The following LMX1B variants were observed in gnomAD, a reference collection of about 807,000 sequenced individuals.
The protein encoded by LMX1B is LIM homeobox transcription factor 1 beta.
In LMX1B, 12 loss-of-function variants were observed where a neutral mutation model predicts 51.4. The observed-to-expected ratio is 0.23, with a 90% CI of 0.15 to 0.38. The LOEUF (loss-of-function observed/expected upper bound fraction) is 0.38, where lower values mean the gene tolerates loss of function less well. LMX1B is among the 10% of genes least tolerant of loss of function. The pLI, the probability that LMX1B is intolerant of heterozygous loss-of-function variation, is 1.00. For synonymous variants in LMX1B, 237 were observed against 235.4 expected, an observed-to-expected ratio of 1.01 and a Z score of -0.06; for missense variants, 445 against 571.1, an observed-to-expected ratio of 0.78 and a Z score of 2.25.
chr9:126,676,922 C>A (rs1394980153), intron 2 of LMX1B, among the ~76,000 whole-genome samples: 1 of 152,216 alleles, frequency 6.6e-6, no homozygotes, highest in Non-Finnish European at 1.5e-5. Flanking sequence ...TCAATAATCG[C>A]TCTTCTCTGT....
At position 126,695,476 on chromosome 9, in the gene LMX1B, C is replaced by T. The variant is rs1314977993; in HGVS notation, c.887-363C>T. On this transcript the variant is annotated intron_variant, in intron 6 of 7. Transcript: ENST00000373474. The surrounding 1 kb of genome is among the most constrained non-coding windows in gnomAD (Gnocchi z 5.2). The stretch of plus-strand genomic sequence containing the variant: ...CTTTAAGTCACATCAGGGCGGGGGC[C>T]CTTTCCTCCAGGAAGTCTTCCCGGG... Among the ~76,000 whole-genome samples the T allele has an allele frequency of 1.3e-5, 2 of 152,316 alleles. No homozygotes were observed. Among genetic ancestry groups the T allele is most frequent in the Non-Finnish European group, 2.9e-5 (2 of 68,030 alleles).
intron 2 of LMX1B, among the ~76,000 whole-genome samples, chr9:126,637,950 C>A (rs1202419779): frequency 6.6e-6 from 1 of 151,988 alleles, no homozygotes. Flanking sequence ...GGGCCCCCTC[C>A]GACCATGGGC....
chr9:126,619,286 C>T (rs992687554), intron 2 of LMX1B, among the ~76,000 whole-genome samples: 12 of 152,196 alleles, frequency 7.9e-5, no homozygotes, highest in East Asian at 3.9e-4. Flanking sequence ...ACCTCTCCCC[C>T]CACACTCCCC....
chr9:126,691,401 T>C (rs1272884127), intron 3 of LMX1B, among the ~76,000 whole-genome samples: 1 of 152,158 alleles, frequency 6.6e-6, no homozygotes, highest in East Asian at 1.9e-4. Context: ...TGTGGAGATA[T>C]GTGTTCACAT....
At chr9:126,652,299 G>T (rs534550900) in intron 2 of LMX1B, among the ~76,000 whole-genome samples, 19 of 150,612 alleles carry the variant, frequency 1.3e-4, no homozygotes, top group South Asian at 2.2e-4. Flanking sequence ...GAGGAGAAGG[G>T]GGGGGGGATT....
Position 126,691,009 on chromosome 9 carries a change from G to T in LMX1B, c.500G>T (p.Gly167Val), listed in dbSNP as rs1260421027. The change falls in exon 3 of 8, where the codon GGT becomes GTT. Residue 167 changes from glycine (G) to valine (V), a missense_variant. Physicochemically the swap from Gly to Val is moderately radical, Grantham distance 109. Around this residue, in one of 3 missense-constraint regions of LMX1B, gnomAD observed 273 missense variants for 343.3 expected, o/e 0.80. Transcript: ENST00000373474. ...VLKEGQLLCK[G>V]DYEKEKDLLS... ...AAGGAGGGCCAGCTGCTGTGCAAGGGTGACTACGAGAAGGAGAAGGACCTG... is the reference window on the plus strand; with the variant it reads ...AAGGAGGGCCAGCTGCTGTGCAAGGTTGACTACGAGAAGGAGAAGGACCTG... 4.3e-6 allele frequency: 7 copies of T among 1,613,950 alleles called. No homozygotes were observed. The highest frequency in any genetic ancestry group is 1.3e-5 in the African/African-American group (1 of 74,936).
chr9:126,641,913 CTG>C lies in LMX1B; in HGVS notation c.326+26347_326+26348del, dbSNP rs1835815954. On this transcript the variant is annotated intron_variant, in intron 2 of 7. Coordinates refer to ENST00000373474, the MANE Select transcript of LMX1B (RefSeq NM_001174147.2). The surrounding 1 kb of genome is among the most constrained non-coding windows in gnomAD (Gnocchi z 4.1). ...ACTTCACCCACGTTCTCTCAGAACT[CTG>C]TGAGATAGGGACCAGCTTATCCCCA... is the stretch of plus-strand genomic sequence containing the variant. 6.6e-6 allele frequency among the ~76,000 whole-genome samples: 1 copy of C among 152,198 alleles called. No individual in the cohort carries two copies. The highest frequency in any genetic ancestry group is 2.4e-5 in the African/African-American group (1 of 41,442).
In LMX1B at chr9:126,674,614, A is replaced by C. The variant is rs183936105; in HGVS notation, c.327-16222A>C. ...GCCTGGCATCTCCACGTGGTCCCCC[A>C]TCTGCCACCCTGTGCTCCCATCTCA... On this transcript the variant is annotated intron_variant, in intron 2 of 7. Coordinates refer to ENST00000373474, the MANE Select transcript of LMX1B (RefSeq NM_001174147.2). Among the ~76,000 whole-genome samples, 869 of 152,280 alleles carry C rather than the reference A, an allele frequency of 5.7e-3. 12 individuals carry two copies. Among genetic ancestry groups the C allele is most frequent in the African/African-American group, 0.02 (811 of 41,552 alleles).
intron 2 of LMX1B, among the ~76,000 whole-genome samples, chr9:126,678,335 A>AAAAAAAAC (rs1836610286): frequency 6.4e-4 from 91 of 141,300 alleles, no homozygotes; most frequent in African/African-American, 1.4e-3. Context: ...AAAACAAAAA[A>AAAAAAAAC]AAAAAACAAA....
At chr9:126,633,753 A>G (rs1342480425) in intron 2 of LMX1B, among the ~76,000 whole-genome samples, 1 of 152,182 alleles carries the variant, frequency 6.6e-6, no homozygotes, top group Non-Finnish European at 1.5e-5. Flanking sequence ...TGATGGAAGA[A>G]GAGAATTTGA....
At chr9:126,628,591 C>G (rs1485568289) in intron 2 of LMX1B, among the ~76,000 whole-genome samples, 1 of 152,208 alleles carries the variant, frequency 6.6e-6, no homozygotes, top group Non-Finnish European at 1.5e-5. Flanking sequence ...TAACCGCTTT[C>G]ATTTTCCCAG....
chr9:126,664,603 C>T (rs1459377109), intron 2 of LMX1B, among the ~76,000 whole-genome samples: 1 of 152,186 alleles, frequency 6.6e-6, no homozygotes, highest in Admixed American at 6.5e-5. Context: ...TGGCTGGGCG[C>T]GGTGGCTCAC....
At chr9:126,664,234 C>G (rs921294539) in intron 2 of LMX1B, among the ~76,000 whole-genome samples, 4 of 152,224 alleles carry the variant, frequency 2.6e-5, no homozygotes, top group African/African-American at 9.6e-5. Context: ...TCCCCTCCCC[C>G]AACGCTCTGT....
chr9:126,633,787 C>CTG (rs1233393680), intron 2 of LMX1B, among the ~76,000 whole-genome samples: 1 of 152,228 alleles, frequency 6.6e-6, no homozygotes, highest in African/African-American at 2.4e-5. Context: ...AGCCTTTACC[C>CTG]TGTGCAGCCA....
At chr9:126,655,885 G>A (rs1164924044) in intron 2 of LMX1B, among the ~76,000 whole-genome samples, 2 of 152,162 alleles carry the variant, frequency 1.3e-5, no homozygotes, top group South Asian at 2.1e-4. Flanking sequence ...TCGTCTTTTC[G>A]TTTATGATGC....
intron 2 of LMX1B, among the ~76,000 whole-genome samples, chr9:126,637,029 T>C (rs777914208): frequency 1.3e-5 from 2 of 152,214 alleles, no homozygotes; most frequent in Admixed American, 1.3e-4. Flanking sequence ...CAGCCTGGCA[T>C]AGGACACCTT....
At chr9:126,662,700 A>G (rs1380975502) in intron 2 of LMX1B, among the ~76,000 whole-genome samples, 1 of 152,222 alleles carries the variant, frequency 6.6e-6, no homozygotes, top group Non-Finnish European at 1.5e-5. Context: ...GCAGGCCCCA[A>G]GCTGGGCACA....
chr9:126,690,584 C>T (rs2030083418), intron 2 of LMX1B, among the ~76,000 whole-genome samples: 1 of 152,216 alleles, frequency 6.6e-6, no homozygotes, highest in African/African-American at 2.4e-5. Flanking sequence ...CTGGAAGGGC[C>T]CTGAGCTGCC....
At chr9:126,676,965 G>T (rs1360513347) in intron 2 of LMX1B, among the ~76,000 whole-genome samples, 1 of 152,196 alleles carries the variant, frequency 6.6e-6, no homozygotes, top group Non-Finnish European at 1.5e-5. Context: ...AAACAAAGAG[G>T]CTCAATTTAA....
Sources: allele counts gnomAD v4.1 joint callset (sites outside exome capture counted in the v4.1 genomes callset), GRCh38; gene constraint gnomAD v4.1.1; regional missense constraint gnomAD v4.1.1; non-coding constraint Gnocchi (gnomAD v3.1); transcripts MANE v1.5; gene names NCBI Gene and HGNC (gene_info 2026-07-23, HGNC 2026-07-21).